NDUFA8: variants seen among roughly 807,000 people sequenced by gnomAD.
NDUFA8 encodes NADH:ubiquinone oxidoreductase subunit A8.
A neutral mutation model predicts 20.9 loss-of-function variants in NDUFA8; 16 were observed. The ratio of observed to expected loss-of-function variants is 0.77; its 90% CI spans 0.52 to 1.16. NDUFA8 has a LOEUF of 1.16. Ranked by LOEUF, NDUFA8 falls within the 50% of genes most tolerant of loss-of-function variation. The probability of loss-of-function intolerance (pLI) is 0.00; values close to 1 mark genes in which losing one functional copy is unlikely to be tolerated. For synonymous variants in NDUFA8, 70 were observed against 76.1 expected, an observed-to-expected ratio of 0.92 and a Z score of 0.41; for missense variants, 202 against 216.4, an observed-to-expected ratio of 0.93 and a Z score of 0.42.
rs1458943419 is a variant in NDUFA8, at chr9:122,159,747, T to A, written c.-70A>T. 1 of 1,608,528 alleles carries A rather than the reference T, an allele frequency of 6.2e-7. No homozygotes were observed. The highest frequency in any genetic ancestry group is 8.5e-7 in the Non-Finnish European group (1 of 1,176,162). ...GCCCCCGTCTCCTTGAACTCCCCTT[T>A]CGACCGCCGAGTGCCACACGGCGCC... is the stretch of plus-strand genomic sequence containing the variant. On this transcript the variant is annotated 5_prime_UTR_variant, in exon 1 of 4. Coordinates refer to ENST00000373768, the MANE Select transcript of NDUFA8 (RefSeq NM_014222.3).
intron 2 of NDUFA8, among the ~76,000 whole-genome samples, chr9:122,151,932 G>A (rs527479514): frequency 1.3e-5 from 2 of 152,234 alleles, no homozygotes; most frequent in South Asian, 2.1e-4. Flanking sequence ...GTTGTTTTAC[G>A]TGCCTTTTCA....
At chr9:122,157,203 C>A (rs546561120) in intron 1 of NDUFA8, among the ~76,000 whole-genome samples, 1 of 152,366 alleles carries the variant, frequency 6.6e-6, no homozygotes, top group South Asian at 2.1e-4. Flanking sequence ...TCAGACCCTA[C>A]CCTCACTTAG....
intron 3 of NDUFA8, among the ~76,000 whole-genome samples, chr9:122,144,585 A>G (rs1828874148): frequency 1.3e-5 from 2 of 152,206 alleles, no homozygotes; most frequent in Non-Finnish European, 2.9e-5. Flanking sequence ...TGTGGTAGAA[A>G]CTAGGGATAC....
chr9:122,132,878 T>C, the NDUFA8 span: 3 of 455,292 alleles, frequency 6.6e-6, no homozygotes, highest in African/African-American at 6.0e-5. Flanking sequence ...AATAGAAGTG[T>C]CGTTGTTCTC....
chr9:122,146,191 G>T (rs1276152113), intron 3 of NDUFA8, among the ~76,000 whole-genome samples: 2 of 152,032 alleles, frequency 1.3e-5, no homozygotes, highest in Non-Finnish European at 2.9e-5. Flanking sequence ...TCCTGAACTC[G>T]TGAGCTCAAG....
At chr9:122,159,480 G>A (rs2118726131) in intron 1 of NDUFA8, 147 bp downstream of exon 1, 1 of 922,594 alleles carries the variant, frequency 1.1e-6, no homozygotes, top group Non-Finnish European at 1.8e-6. Context: ...CTGCGGAGGG[G>A]ACCTCCGGGG....
At position 122,159,666 on chromosome 9, in the gene NDUFA8, T is replaced by C. The variant is rs769108368; in HGVS notation, c.12A>G (p.Ile4Met). 1.2e-5 allele frequency: 20 copies of C among 1,614,098 alleles called. No homozygotes were observed. The highest frequency in any genetic ancestry group is 1.5e-5 in the Non-Finnish European group (18 of 1,179,974). Reference sequence around the variant, plus strand: ...GCTCCTCTAGAGTGGGCAGCTCCACTATCCCCGGCATGACGGCTGCAGCCC... The same window carrying C: ...GCTCCTCTAGAGTGGGCAGCTCCACCATCCCCGGCATGACGGCTGCAGCCC... MPG[I>M]VELPTLEELK... Residue 4 changes from isoleucine to methionine, a missense_variant, in exon 1 of 4, where the codon ATA (isoleucine) becomes ATG (methionine). Transcript: ENST00000373768.
At chr9:122,152,021 G>GT (rs1397316469) in intron 2 of NDUFA8, among the ~76,000 whole-genome samples, 1 of 152,152 alleles carries the variant, frequency 6.6e-6, no homozygotes, top group Non-Finnish European at 1.5e-5. Flanking sequence ...ACCTAGATAG[G>GT]TATTATTTTA....
chr9:122,134,609 A>G, the NDUFA8 span, among the ~76,000 whole-genome samples: 3 of 152,114 alleles, frequency 2.0e-5, no homozygotes, highest in Non-Finnish European at 4.4e-5. Context: ...CATCCTCTCT[A>G]AAAGTTGTGC....
the NDUFA8 span, among the ~76,000 whole-genome samples, chr9:122,137,084 C>T: frequency 1.3e-5 from 2 of 152,066 alleles, no homozygotes; most frequent in Admixed American, 6.6e-5. Flanking sequence ...AAATTCAGAT[C>T]GAATTTGGCC....
chr9:122,136,572 T>TC, the NDUFA8 span, among the ~76,000 whole-genome samples: 9 of 152,036 alleles, frequency 5.9e-5, no homozygotes, highest in Non-Finnish European at 1.3e-4. Context: ...TTTTTTTTTT[T>TC]CTGAGACGGA....
chr9:122,141,580 C>T (rs748140633), downstream of NDUFA8, among the ~76,000 whole-genome samples: 1 of 152,174 alleles, frequency 6.6e-6, no homozygotes, highest in African/African-American at 2.4e-5. Context: ...AAGACAGGAA[C>T]AGGCTTGGCA....
rs747629176 is a variant in NDUFA8, at chr9:122,144,231, G to A, written c.*10C>T. 16 of 1,613,326 alleles carry A rather than the reference G, an allele frequency of 9.9e-6. No homozygotes were observed. The highest frequency in any genetic ancestry group is 1.3e-5 in the African/African-American group (1 of 74,886). ...GAGCACATGACCGAGTGTGGGCCAC[G>A]GACCCATCTTTACTTGGTCCAGAAA... is the stretch of plus-strand genomic sequence containing the variant. On this transcript the variant is annotated 3_prime_UTR_variant, in exon 4 of 4. Transcript: ENST00000373768.
intron 1 of NDUFA8, among the ~76,000 whole-genome samples, chr9:122,156,846 C>A (rs1829082890): frequency 2.0e-5 from 3 of 152,226 alleles, no homozygotes; most frequent in Admixed American, 2.0e-4. Context: ...ACCAATTACA[C>A]TGGGATCATT....
At chr9:122,147,737 C>T (rs1167066785) in intron 3 of NDUFA8, among the ~76,000 whole-genome samples, 1 of 151,030 alleles carries the variant, frequency 6.6e-6, no homozygotes, top group Non-Finnish European at 1.5e-5. Flanking sequence ...CACCATTCTC[C>T]TGCCTCAGCC....
Position 122,144,097 on chromosome 9 carries a change from A to T in NDUFA8, c.*144T>A. The T allele has an allele frequency of 5.2e-6, 8 of 1,528,134 alleles. No homozygotes were observed. In the South Asian group the frequency reaches 8.7e-5, roughly 17 times the overall value. 94.7% of individuals were successfully genotyped at this position (1,528,134 alleles called of 1,614,324 possible). On this transcript the variant is annotated 3_prime_UTR_variant, in exon 4 of 4. Coordinates refer to ENST00000373768, the MANE Select transcript of NDUFA8 (RefSeq NM_014222.3). ...TTTAATGGACAGGAAATGGTATAGA[A>T]TAACTGCCAAGTCACATAAGTTAAC...
Position 122,159,640 on chromosome 9 carries a change from A to T in NDUFA8, c.38T>A (p.Leu13Gln). The T allele has an allele frequency of 6.2e-7, 1 of 1,614,048 alleles. No individual in the cohort carries two copies. The highest frequency in any genetic ancestry group is 8.5e-7 in the Non-Finnish European group (1 of 1,179,966). ...GIVELPTLEE[L>Q]KVDEVKISSA... ...GGATAGCCTCACCTCATCTACTTTC[A>T]GCTCCTCTAGAGTGGGCAGCTCCAC... Residue 13 changes from leucine (L) to glutamine (Q), a missense_variant, in exon 1 of 4, where the codon CTG becomes CAG. By Grantham distance (113) the Leu-to-Gln change is moderately radical. Coordinates refer to ENST00000373768, the MANE Select transcript of NDUFA8 (RefSeq NM_014222.3).
chr9:122,138,868 G>GGGC, the NDUFA8 span, among the ~76,000 whole-genome samples: 64 of 143,358 alleles, frequency 4.5e-4, 3 homozygotes, highest in South Asian at 1.3e-3. Context: ...GAAGAGGTGG[G>GGGC]GGGGGGGCCA....
downstream of NDUFA8, among the ~76,000 whole-genome samples, chr9:122,143,831 G>GAGA (rs561419976): frequency 3.7e-3 from 557 of 152,334 alleles, 4 homozygotes; most frequent in African/African-American, 0.013. Flanking sequence ...AAAGAGAGCT[G>GAGA]AGACTTCAAA....
Sources: gnomAD v4.1 joint callset for allele counts (sites outside exome capture counted in the v4.1 genomes callset) on GRCh38, gnomAD v4.1.1 for gene constraint, MANE v1.5 for transcripts, NCBI Gene and HGNC (gene_info 2026-07-23, HGNC 2026-07-21) for gene names.